CEP128: variants seen among roughly 807,000 people sequenced by gnomAD.
CEP128 encodes centrosomal protein 128.
Under a neutral mutation model 156.7 loss-of-function variants are expected in CEP128, and 132 were observed. The observed-to-expected ratio is 0.84, with a 90% CI of 0.73 to 0.97. The LOEUF (loss-of-function observed/expected upper bound fraction) is 0.97. Ranked by LOEUF, CEP128 falls within the 50% of genes least tolerant of loss-of-function variation. The probability of loss-of-function intolerance (pLI) is 0.00; values close to 1 mark genes in which losing one functional copy is unlikely to be tolerated. For synonymous variants in CEP128, 469 were observed against 448.9 expected (o/e 1.04, Z -0.57); for missense variants, 1,252 against 1,281.9 (o/e 0.98, Z 0.36).
intron 20 of CEP128, among the ~76,000 whole-genome samples, chr14:80,561,926 GTTTTT>G (rs1259208252): frequency 8.6e-6 from 1 of 116,950 alleles, no homozygotes; most frequent in African/African-American, 3.3e-5. Context: ...GTTTTGTTTT[GTTTTT>G]GTTTTTGTTT....
upstream of CEP128, among the ~76,000 whole-genome samples, chr14:80,944,860 G>GA (rs1191134350): frequency 9.2e-5 from 4 of 43,510 alleles, no homozygotes; most frequent in East Asian, 1.6e-3. Flanking sequence ...AAAAAAAACA[G>GA]AAAAAACAGA....
At chr14:80,850,108 C>G (rs890922579) in intron 9 of CEP128, among the ~76,000 whole-genome samples, 1 of 152,030 alleles carries the variant, frequency 6.6e-6, no homozygotes, top group Non-Finnish European at 1.5e-5. Flanking sequence ...GAAGAGGAAG[C>G]ATGAAACTAT....
intron 13 of CEP128, among the ~76,000 whole-genome samples, chr14:80,810,138 AC>A (rs1008096499): frequency 1.3e-5 from 2 of 151,830 alleles, no homozygotes; most frequent in Admixed American, 6.6e-5. Flanking sequence ...CCTGGCTAAC[AC>A]AGTGAAACCC....
intron 19 of CEP128, among the ~76,000 whole-genome samples, chr14:80,680,588 G>C (rs767071761): frequency 2.0e-5 from 3 of 152,116 alleles, no homozygotes; most frequent in Non-Finnish European, 4.4e-5. Context: ...TTAGCAGCTT[G>C]AACTGTCCTA....
intron 9 of CEP128, among the ~76,000 whole-genome samples, chr14:80,851,740 TAA>T (rs1046556692): frequency 2.2e-4 from 33 of 151,980 alleles, no homozygotes; most frequent in African/African-American, 7.7e-4. Context: ...ATTTATAAGA[TAA>T]AGTTATTTTT....
chr14:80,808,635 T>C (rs1174199956), intron 13 of CEP128, among the ~76,000 whole-genome samples: 3 of 151,932 alleles, frequency 2.0e-5, no homozygotes, highest in African/African-American at 4.8e-5. Context: ...CGGCCCACCA[T>C]TGCCACTATG....
chr14:80,555,601 A>T (rs1890398037), intron 21 of CEP128, among the ~76,000 whole-genome samples: 2 of 152,098 alleles, frequency 1.3e-5, no homozygotes, highest in Non-Finnish European at 2.9e-5. Flanking sequence ...TGTGTACGGG[A>T]GTCATGATTT....
intron 19 of CEP128, among the ~76,000 whole-genome samples, chr14:80,584,009 T>A (rs760328800): frequency 2.0e-5 from 3 of 152,190 alleles, no homozygotes; most frequent in Non-Finnish European, 2.9e-5. Flanking sequence ...CTGCTCTGTC[T>A]AATCATGCTC....
intron 19 of CEP128, among the ~76,000 whole-genome samples, chr14:80,618,654 A>G (rs562417730): frequency 5.3e-5 from 8 of 152,214 alleles, no homozygotes; most frequent in Admixed American, 2.6e-4. Context: ...TTAGATTTTA[A>G]TATCCACTAA....
At chr14:80,842,171 TAA>T (rs1886377734) in intron 9 of CEP128, among the ~76,000 whole-genome samples, 1 of 152,220 alleles carries the variant, frequency 6.6e-6, no homozygotes, top group South Asian at 2.1e-4. Context: ...AAACTTTATT[TAA>T]GTCTCCTTTT....
At position 80,833,390 on chromosome 14, in the gene CEP128, T is replaced by C. The variant is rs183910196; in HGVS notation, c.1058-2096A>G. ...TTACATATATATATACTAGTAAAGA[T>C]AAATATACACACACATCTATACATA... On this transcript the variant is annotated intron_variant, in intron 12 of 24. Transcript: ENST00000555265. Among the ~76,000 whole-genome samples, 114 of 151,856 alleles carry C rather than the reference T, an allele frequency of 7.5e-4. 2 individuals carry two copies. The highest frequency in any genetic ancestry group is 2.7e-3 in the African/African-American group (113 of 41,492).
chr14:80,729,058 G>GTGGGTGTGTGT (rs1344457542), intron 19 of CEP128, among the ~76,000 whole-genome samples: 1 of 105,024 alleles, frequency 9.5e-6, no homozygotes. Context: ...GGCTGGTGGG[G>GTGGGTGTGTGT]GTGTGTGTGT....
upstream of CEP128, chr14:80,942,500 A>T (rs1438065801): frequency 1.3e-5 from 2 of 152,214 alleles, no homozygotes; most frequent in East Asian, 3.9e-4. Context: ...AATTAGTCAT[A>T]TGAATTGCCC....
chr14:80,691,503 A>G (rs1382917803), intron 19 of CEP128, among the ~76,000 whole-genome samples: 1 of 152,168 alleles, frequency 6.6e-6, no homozygotes, highest in East Asian at 1.9e-4. Context: ...TCAACAGTTG[A>G]TTGGGGCTGA....
At position 80,900,875 on chromosome 14, in the gene CEP128, G is replaced by A. The variant is rs145657827; in HGVS notation, c.481-846C>T. The stretch of plus-strand genomic sequence containing the variant: ...AGTGTCAGGATATGTATGAAGTCAG[G>A]ACAGTGGATACCCCTTGGGAAAAGA... On this transcript the variant is annotated intron_variant, in intron 6 of 24. Coordinates refer to ENST00000555265, the MANE Select transcript of CEP128 (RefSeq NM_152446.5). Among the ~76,000 whole-genome samples, 406 of 152,306 alleles carry A rather than the reference G, an allele frequency of 2.7e-3. 1 individual carries two copies. Among genetic ancestry groups the A allele is most frequent in the Middle Eastern group, 0.021 (6 of 292 alleles).
intron 13 of CEP128, 113 bp downstream of exon 13, chr14:80,831,030 A>G (rs1021411468): frequency 3.4e-6 from 3 of 891,406 alleles, no homozygotes; most frequent in Non-Finnish European, 3.6e-6. Context: ...TATATTATCA[A>G]TGCTCACACT....
At chr14:80,776,522 AT>A (rs998926237) in intron 16 of CEP128, among the ~76,000 whole-genome samples, 2 of 147,828 alleles carry the variant, frequency 1.4e-5, no homozygotes, top group Admixed American at 6.8e-5. Context: ...TTACTACTCT[AT>A]ATATTAATAT....
At chr14:80,587,047 A>AT (rs34069304) in intron 19 of CEP128, among the ~76,000 whole-genome samples, 29,588 of 150,490 alleles carry the variant, frequency 0.2, 3,747 homozygotes, top group African/African-American at 0.35. Context: ...AGCTCTCAGT[A>AT]TTTTTTTTTT....
At chr14:80,767,283 C>A (rs1007157543) in intron 16 of CEP128, among the ~76,000 whole-genome samples, 11 of 151,946 alleles carry the variant, frequency 7.2e-5, no homozygotes, top group Admixed American at 2.0e-4. Context: ...TTTCAACTGT[C>A]TTACAAAATG....
Sources: gnomAD v4.1 joint callset for allele counts (sites outside exome capture counted in the v4.1 genomes callset) on GRCh38, gnomAD v4.1.1 for gene constraint, MANE v1.5 for transcripts, NCBI Gene and HGNC (gene_info 2026-07-23, HGNC 2026-07-21) for gene names.